The following KIF7 variants were observed in gnomAD, a reference collection of about 807,000 sequenced individuals.
KIF7 encodes the protein kinesin-like protein KIF7.
KIF7 carries 104 observed loss-of-function variants against 135.7 expected under a neutral mutation model. The observed-to-expected ratio is 0.77, with a 90% CI of 0.65 to 0.90. The LOEUF (loss-of-function observed/expected upper bound fraction) is 0.90. Among genes scored for constraint, KIF7 ranks in the 40% least tolerant of loss-of-function variants. The pLI is 0.00. For synonymous variants in KIF7, 883 were observed against 809.4 expected, an observed-to-expected ratio of 1.09 and a Z score of -1.54; for missense variants, 2,005 against 1,839.1, an observed-to-expected ratio of 1.09 and a Z score of -1.65.
chr15:89,637,235 C>A (rs1963827649), intron 11 of KIF7, among the ~76,000 whole-genome samples: 1 of 135,542 alleles, frequency 7.4e-6, no homozygotes, highest in African/African-American at 2.9e-5. Flanking sequence ...CAGGAAAGAT[C>A]CAAAATTGAC....
chr15:89,625,557 G>T (rs1192911835), downstream of KIF7: 2 of 1,613,168 alleles, frequency 1.2e-6, no homozygotes, highest in South Asian at 2.2e-5. Flanking sequence ...TCCCAGACCA[G>T]TCGCCTCCCA....
At chr15:89,630,776 G>A (rs1231219130) in intron 15 of KIF7, 5 of 522,948 alleles carry the variant, frequency 9.6e-6, no homozygotes, top group Non-Finnish European at 1.7e-5. Flanking sequence ...CAAAAGGCAT[G>A]GTTGGGACAG....
chr15:89,632,886 C>T lies in KIF7; in HGVS notation c.2829G>A (p.Leu943=). The T allele has an allele frequency of 6.2e-7, 1 of 1,610,558 alleles. No homozygotes were observed. The highest frequency in any genetic ancestry group is 8.5e-7 in the Non-Finnish European group (1 of 1,179,906). ...CCTGCATCAGGGCCTCCTTCTTGGC[C>T]AGGATGGCCTCCCGCTTGTGGAGCT... ...GEELHKREAI[L]AKKEALMQEK... The change falls in exon 14 of 19, where the codon CTG becomes CTA. Residue 943 remains leucine (L), a synonymous_variant. Coordinates refer to ENST00000394412, the MANE Select transcript of KIF7 (RefSeq NM_198525.3).
chr15:89,649,930 C>G lies in KIF7; in HGVS notation c.340G>C (p.Glu114Gln), dbSNP rs1355982031. The change falls in exon 3 of 19, where the codon GAG becomes CAG. Residue 114 changes from glutamate (E) to glutamine (Q), a missense_variant. Physicochemically the swap from Glu to Gln is conservative, Grantham distance 29. Transcript: ENST00000394412. ...MGEASVASLL[E>Q]DEQGIVPRAM... ...CTCGGGACAATGCCCTGCTCATCCT[C>G]AAGGAGGGAGGCTGGGGAGACACCG... 21 of 1,551,150 alleles carry G rather than the reference C, an allele frequency of 1.4e-5. No homozygotes were observed. The highest frequency in any genetic ancestry group is 1.7e-5 in the Non-Finnish European group (19 of 1,146,974).
At chr15:89,658,446 CAGAGAGAGAG>C (rs142155148), upstream of KIF7, among the ~76,000 whole-genome samples, 1 of 144,222 alleles carries the variant, frequency 6.9e-6, no homozygotes, top group East Asian at 2.1e-4. Flanking sequence ...ACCCCATCTC[CAGAGAGAGAG>C]AGAGAGAGAG....
intron 1 of KIF7, among the ~76,000 whole-genome samples, chr15:89,618,672 G>C (rs181400128): frequency 6.6e-6 from 1 of 152,328 alleles, no homozygotes; most frequent in Non-Finnish European, 1.5e-5. Context: ...TGTTGAATGA[G>C]GGTGAGCAGC....
intron 14 of KIF7, among the ~76,000 whole-genome samples, 171 bp from the exon 15 acceptor site, chr15:89,631,881 G>A (rs1003779681): frequency 2.0e-5 from 3 of 152,216 alleles, no homozygotes; most frequent in East Asian, 3.8e-4. Flanking sequence ...TCCAGGAGGC[G>A]GGGCTAAAGG....
chr15:89,634,193 G>T (rs1483689335), intron 11 of KIF7, among the ~76,000 whole-genome samples: 1 of 152,162 alleles, frequency 6.6e-6, no homozygotes. Context: ...CAGCTACTCA[G>T]GAGGCTGAGG....
intron 1 of KIF7, among the ~76,000 whole-genome samples, chr15:89,618,883 C>T (rs1284646258): frequency 6.6e-6 from 1 of 152,234 alleles, no homozygotes; most frequent in Non-Finnish European, 1.5e-5. Context: ...CTCTTGAGCT[C>T]TGGAGTTCAA....
intron 6 of KIF7, 51 bp downstream of exon 6, chr15:89,647,545 C>T (rs926218166): frequency 5.3e-6 from 8 of 1,518,006 alleles, no homozygotes; most frequent in Non-Finnish European, 7.3e-6. Flanking sequence ...TCTGCCTTCC[C>T]TTCATCCTCC....
chr15:89,625,569 G>A, downstream of KIF7: 1 of 1,613,068 alleles, frequency 6.2e-7, no homozygotes, highest in Non-Finnish European at 8.5e-7. Context: ...CGCCTCCCAG[G>A]AACAGCATGC....
Position 89,633,634 on chromosome 15 carries a change from A to T in KIF7, c.2592+52T>A, listed in dbSNP as rs542581019. 7.6e-5 allele frequency: 120 copies of T among 1,581,166 alleles called. No homozygotes were observed. The African/African-American group carries it at 1.5e-3, about 19-fold the overall frequency. On this transcript the variant is annotated intron_variant, in intron 12 of 18. Transcript: ENST00000394412. The stretch of plus-strand genomic sequence containing the variant: ...CCTGGGCTCCCCTGGCTGGGCCGCC[A>T]GCTCAGCCTATTGGCCTGGACAGAA...
At position 89,631,356 on chromosome 15, in the gene KIF7, A is replaced by C. The variant is rs934907964; in HGVS notation, c.3111+139T>G. The C allele has an allele frequency of 1.1e-5, 8 of 754,330 alleles. No individual in the cohort carries two copies. In the African/African-American group the frequency reaches 1.4e-4, roughly 13 times the overall value. The allele number at this position is 754,330 out of a possible 1,614,324, so 46.7% of individuals were successfully genotyped here. ...GCCAGGCCAGCCCTCCCCAGCCCCCACCTCCACCTAACAGTGAAAACTTGG... is the reference window on the plus strand; with the variant it reads ...GCCAGGCCAGCCCTCCCCAGCCCCCCCCTCCACCTAACAGTGAAAACTTGG... On this transcript the variant is annotated intron_variant, in intron 15 of 18. Coordinates refer to ENST00000394412, the MANE Select transcript of KIF7 (RefSeq NM_198525.3).
intron 13 of KIF7, 21 bp downstream of exon 13, chr15:89,633,120 G>T (rs1420806385): frequency 6.2e-7 from 1 of 1,601,602 alleles, no homozygotes; most frequent in Admixed American, 1.7e-5. Flanking sequence ...AGCCCTGGGT[G>T]CGGACACAGC....
chr15:89,625,257 C>CA (rs746667051), downstream of KIF7: 1 of 1,613,080 alleles, frequency 6.2e-7, no homozygotes, highest in Non-Finnish European at 8.5e-7. Context: ...CCTGTACCCC[C>CA]ACCCACGGCC....
rs1410447025 is a variant in KIF7, at chr15:89,621,465, T to C, written c.181-3270A>G. 13 of 1,613,888 alleles carry C rather than the reference T, an allele frequency of 8.1e-6. No individual in the cohort carries two copies. The highest frequency in any genetic ancestry group is 1.6e-4 in the Middle Eastern group (1 of 6,084). On this transcript the variant is annotated intron_variant and NMD_transcript_variant, in intron 1 of 2. Transcript: ENST00000558928. ...CTTCTTTTTGGGGCAATGTCTGAGATGATCAGCCCCTCAGAAAAGGGTTCA... is the reference window on the plus strand; with the variant it reads ...CTTCTTTTTGGGGCAATGTCTGAGACGATCAGCCCCTCAGAAAAGGGTTCA...
intron 11 of KIF7, among the ~76,000 whole-genome samples, chr15:89,640,919 C>T (rs573320673): frequency 6.6e-6 from 1 of 152,038 alleles, no homozygotes; most frequent in South Asian, 2.1e-4. Context: ...ATAAGGATCA[C>T]TTGAACCCAG....
At chr15:89,650,959 C>T (rs984623811) in intron 2 of KIF7, among the ~76,000 whole-genome samples, 4 of 151,988 alleles carry the variant, frequency 2.6e-5, no homozygotes, top group African/African-American at 7.3e-5. Flanking sequence ...TTTGAAATGG[C>T]ATCTCACTGT....
Position 89,653,756 on chromosome 15 carries a change from A to AT in KIF7, c.-24-803dup, listed in dbSNP as rs547058383. On this transcript the variant is annotated intron_variant, in intron 1 of 18. Transcript: ENST00000394412. ...GGCTAATTTTATTATTAGTATTAGT[A>AT]TTAGTATTAGTATTAGTATTAGTAT... Among the ~76,000 whole-genome samples, 5 of 26,362 alleles carry AT rather than the reference A, an allele frequency of 1.9e-4. No individual in the cohort carries two copies. In the South Asian group the frequency reaches 5.0e-3, roughly 27 times the overall value. The allele number at this position is 26,362 out of a possible 152,430, so 17.3% of individuals were successfully genotyped here.
Sources: gnomAD v4.1 joint callset for allele counts (sites outside exome capture counted in the v4.1 genomes callset) on GRCh38, gnomAD v4.1.1 for gene constraint, MANE v1.5 for transcripts, NCBI Gene and HGNC (gene_info 2026-07-23, HGNC 2026-07-21) for gene names.